The following CHD9 variants were observed in gnomAD, a reference collection of about 807,000 sequenced individuals.
CHD9 encodes ATP-dependent chromatin remodeler CHD9.
CHD9 carries 77 observed loss-of-function variants against 316.1 expected under a neutral mutation model. The ratio of observed to expected loss-of-function variants is 0.24; its 90% confidence interval spans 0.20 to 0.29. The LOEUF (loss-of-function observed/expected upper bound fraction) is 0.29, where lower values mean the gene tolerates loss of function less well. Among genes scored for constraint, CHD9 ranks in the 10% least tolerant of loss-of-function variants. The pLI is 1.00. For synonymous variants in CHD9, 1,129 were observed against 1,158.3 expected (o/e 0.97, Z 0.51); for missense variants, 2,763 against 3,438.1 (o/e 0.80, Z 4.91).
At chr16:53,110,892 G>C (rs2037813307) in intron 1 of CHD9, among the ~76,000 whole-genome samples, 2 of 152,182 alleles carry the variant, frequency 1.3e-5, no homozygotes, top group South Asian at 4.1e-4. Context: ...CAGGTAATCT[G>C]GGTGCAGCAT....
At chr16:53,292,414 G>A (rs1164902263) in intron 28 of CHD9, among the ~76,000 whole-genome samples, 1 of 152,204 alleles carries the variant, frequency 6.6e-6, no homozygotes, top group Non-Finnish European at 1.5e-5. Context: ...CTTCGAAAAT[G>A]TTTCTTCCCA....
chr16:53,250,107 A>C (rs1236679201), intron 17 of CHD9, 41 bp downstream of exon 17: 2 of 1,459,388 alleles, frequency 1.4e-6, no homozygotes, highest in African/African-American at 2.8e-5. Context: ...CATTTTTTAA[A>C]AAAGTAAAAT....
intron 34 of CHD9, among the ~76,000 whole-genome samples, chr16:53,310,499 G>C (rs565665183): frequency 1.3e-5 from 2 of 152,122 alleles, no homozygotes; most frequent in Non-Finnish European, 2.9e-5. Context: ...GCTGAAGATT[G>C]TATAGCTTTT....
intron 1 of CHD9, among the ~76,000 whole-genome samples, chr16:53,100,399 G>GA (rs1020095573): frequency 3.3e-5 from 5 of 150,464 alleles, no homozygotes; most frequent in Non-Finnish European, 5.9e-5. Context: ...GATATTAACT[G>GA]AAAATCACTG....
intron 1 of CHD9, among the ~76,000 whole-genome samples, chr16:53,155,301 C>A (rs950426311): frequency 7.9e-5 from 12 of 151,652 alleles, no homozygotes; most frequent in Middle Eastern, 3.2e-3. Flanking sequence ...TGGCTCACTG[C>A]AGCCTCAACC....
At chr16:53,247,155 C>G (rs1311125621) in intron 15 of CHD9, 138 bp from the exon 16 acceptor site, 1 of 632,932 alleles carries the variant, frequency 1.6e-6, no homozygotes, top group African/African-American at 1.8e-5. Context: ...TTAAATAATT[C>G]TAATAAAAGC....
Position 53,314,918 on chromosome 16 carries a change from A to C in CHD9, c.7458A>C (p.Pro2486=), listed in dbSNP as rs1171082556. The change falls in exon 36 of 39, where the codon CCA becomes CCC. Residue 2486 remains proline (P), a synonymous_variant. Coordinates refer to ENST00000447540, the MANE Select transcript of CHD9 (RefSeq NM_001308319.2). ...AAGGAATTCCTGATACAGAAAGTCCAGTTCCAGTTATTAATCTTAAAGATG... is the reference window on the plus strand; with the variant it reads ...AAGGAATTCCTGATACAGAAAGTCCCGTTCCAGTTATTAATCTTAAAGATG... The part of the protein sequence containing the change: ...QPQGIPDTES[P]VPVINLKDGT... 6.8e-6 allele frequency: 11 copies of C among 1,613,592 alleles called. No individual in the cohort carries two copies. In the South Asian group the frequency reaches 1.2e-4, roughly 18 times the overall value.
rs79275661 is a variant in CHD9, at chr16:53,230,961, T to A, written c.2287-458T>A. ...CCATTAGAAAATGCAGGAGGAGGTATGGGTTGAAGAGTAAATGAGTGCAAA... is the reference window on the plus strand; with the variant it reads ...CCATTAGAAAATGCAGGAGGAGGTAAGGGTTGAAGAGTAAATGAGTGCAAA... On this transcript the variant is annotated intron_variant, in intron 8 of 38. Coordinates refer to ENST00000447540, the MANE Select transcript of CHD9 (RefSeq NM_001308319.2). 4.0e-3 allele frequency among the ~76,000 whole-genome samples: 609 copies of A among 152,278 alleles called. 4 individuals carry two copies. Among genetic ancestry groups the A allele is most frequent in the African/African-American group, 0.014 (583 of 41,540 alleles).
chr16:53,136,749 GGTGA>G (rs2039744185), intron 1 of CHD9, among the ~76,000 whole-genome samples: 1 of 151,976 alleles, frequency 6.6e-6, no homozygotes, highest in South Asian at 2.1e-4. Context: ...ATTCTGCTTT[GGTGA>G]GTGTTTATTG....
intron 2 of CHD9, among the ~76,000 whole-genome samples, chr16:53,195,940 T>C (rs1016626257): frequency 6.6e-6 from 1 of 151,978 alleles, no homozygotes; most frequent in Admixed American, 6.6e-5. Context: ...GTATTTTTAG[T>C]AGAGATGGGG....
intron 2 of CHD9, among the ~76,000 whole-genome samples, chr16:53,199,190 T>TA (rs2045223501): frequency 6.6e-6 from 1 of 152,108 alleles, no homozygotes; most frequent in East Asian, 1.9e-4. Context: ...TGAAAACTGT[T>TA]ACAGTCATAG....
intron 22 of CHD9, among the ~76,000 whole-genome samples, chr16:53,270,670 A>G (rs891942364): frequency 6.6e-6 from 1 of 152,254 alleles, no homozygotes; most frequent in African/African-American, 2.4e-5. Context: ...TAAACTCTCA[A>G]AAATGGGAGA....
chr16:53,297,180 C>G, intron 30 of CHD9, 22 bp downstream of exon 30: 5 of 1,580,274 alleles, frequency 3.2e-6, no homozygotes, highest in Non-Finnish European at 4.3e-6. Flanking sequence ...ATTTCTTTTT[C>G]CTGGTTTCGG....
intron 34 of CHD9, among the ~76,000 whole-genome samples, chr16:53,309,853 A>T (rs1419713518): frequency 6.6e-6 from 1 of 152,202 alleles, no homozygotes; most frequent in East Asian, 1.9e-4. Flanking sequence ...TTTAAAAAAA[A>T]AAGTTGAGAA....
intron 1 of CHD9, among the ~76,000 whole-genome samples, chr16:53,132,793 C>CCTTTTTT (rs2039421295): frequency 4.4e-5 from 3 of 68,478 alleles, no homozygotes; most frequent in African/African-American, 1.6e-4. Context: ...TCTAATTCTG[C>CCTTTTTT]TTTTTTTTTT....
intron 1 of CHD9, among the ~76,000 whole-genome samples, chr16:53,090,863 C>CT (rs1436088847): frequency 6.6e-6 from 1 of 152,150 alleles, no homozygotes; most frequent in African/African-American, 2.4e-5. Context: ...CAGAGTCTGG[C>CT]TCAAAGTTCA....
intron 1 of CHD9, among the ~76,000 whole-genome samples, chr16:53,155,556 A>G (rs2152744941): frequency 6.6e-6 from 1 of 152,354 alleles, no homozygotes; most frequent in East Asian, 1.9e-4. Context: ...CAGATACCAT[A>G]CAATTCATTC....
intron 24 of CHD9, among the ~76,000 whole-genome samples, chr16:53,282,734 C>G (rs2053527229): frequency 1.3e-5 from 2 of 152,192 alleles, no homozygotes; most frequent in African/African-American, 4.8e-5. Flanking sequence ...ATTCTTGCTG[C>G]CAAATTTGAT....
intron 2 of CHD9, among the ~76,000 whole-genome samples, chr16:53,207,093 G>T (rs2045950424): frequency 6.6e-6 from 1 of 152,170 alleles, no homozygotes; most frequent in African/African-American, 2.4e-5. Flanking sequence ...CCTAAAAGGG[G>T]CAGAGGGGAG....
Sources: allele counts gnomAD v4.1 joint callset (sites outside exome capture counted in the v4.1 genomes callset), GRCh38; gene constraint gnomAD v4.1.1; transcripts MANE v1.5; gene names NCBI Gene and HGNC (gene_info 2026-07-23, HGNC 2026-07-21).